The following GRK5 variants were observed in gnomAD, a reference collection of about 807,000 sequenced individuals.
GRK5 encodes g protein-coupled receptor kinase GRK5.
In GRK5, 40 loss-of-function variants were observed where a neutral mutation model predicts 78.4. That is an observed-to-expected ratio of 0.51 (90% confidence interval 0.40 to 0.66). GRK5 has a LOEUF of 0.66. GRK5 is among the 30% of genes least tolerant of loss of function. The probability of loss-of-function intolerance (pLI) is 0.00; values close to 1 mark genes in which losing one functional copy is unlikely to be tolerated. For missense variants in GRK5, 598 were observed against 759.9 expected, an observed-to-expected ratio of 0.79 and a Z score of 2.50; for synonymous variants, 289 against 296.8, an observed-to-expected ratio of 0.97 and a Z score of 0.27.
In GRK5 at chr10:119,445,364, A is replaced by G. The variant is rs181843787; in HGVS notation, c.1266+1612A>G. On this transcript the variant is annotated intron_variant, in intron 12 of 15. Coordinates refer to ENST00000392870, the MANE Select transcript of GRK5 (RefSeq NM_005308.3). The surrounding 1 kb of genome is among the most constrained non-coding windows in gnomAD (Gnocchi z 4.1). ...CAGGCAATCAGAGAAGCAGGTCTTG[A>G]GAGATCTCAGCAGGGATATGGGACG... is the stretch of plus-strand genomic sequence containing the variant. 1.6e-3 allele frequency among the ~76,000 whole-genome samples: 240 copies of G among 152,246 alleles called. No homozygotes were observed. The highest frequency in any genetic ancestry group is 5.6e-3 in the African/African-American group (234 of 41,538).
At chr10:119,423,345 A>G in intron 5 of GRK5, 79 bp downstream of exon 5, 2 of 936,228 alleles carry the variant, frequency 2.1e-6, no homozygotes, top group Non-Finnish European at 3.5e-6. Flanking sequence ...CTGACCATAC[A>G]GGGCACTGAG....
At chr10:119,360,092 G>T (rs1166116200) in intron 2 of GRK5, among the ~76,000 whole-genome samples, 1 of 151,344 alleles carries the variant, frequency 6.6e-6, no homozygotes, top group Non-Finnish European at 1.5e-5. Context: ...GATAGGGGGA[G>T]GCTGAGGAGG....
chr10:119,447,883 G>T (rs930989486), intron 12 of GRK5, among the ~76,000 whole-genome samples: 10 of 152,232 alleles, frequency 6.6e-5, no homozygotes, highest in Non-Finnish European at 1.2e-4. Context: ...CAGGAACGAG[G>T]TCTGTAATCC....
intron 2 of GRK5, among the ~76,000 whole-genome samples, chr10:119,342,107 G>C (rs2133785876): frequency 6.6e-6 from 1 of 152,292 alleles, no homozygotes; most frequent in South Asian, 2.1e-4. Flanking sequence ...ATGGGCACAG[G>C]CACGGCTCTG....
chr10:119,392,944 A>G (rs1311698611), intron 3 of GRK5, among the ~76,000 whole-genome samples: 4 of 152,230 alleles, frequency 2.6e-5, no homozygotes, highest in Non-Finnish European at 4.4e-5. Context: ...TTTGCTGGTT[A>G]AGCTGGTTTA....
intron 1 of GRK5, among the ~76,000 whole-genome samples, chr10:119,234,127 T>C (rs1848879229): frequency 1.3e-5 from 2 of 152,236 alleles, no homozygotes; most frequent in South Asian, 4.1e-4. Flanking sequence ...GTAAACCTAA[T>C]ACACTGCTTA....
chr10:119,448,331 C>T (rs1853201402), intron 13 of GRK5, 71 bp downstream of exon 13: 6 of 1,496,956 alleles, frequency 4.0e-6, no homozygotes, highest in East Asian at 2.5e-5. Flanking sequence ...AGTGCTGCCT[C>T]ACAGTGAGCT....
chr10:119,357,028 T>C (rs866687594), intron 2 of GRK5, among the ~76,000 whole-genome samples: 95 of 152,340 alleles, frequency 6.2e-4, no homozygotes, highest in African/African-American at 2.2e-3. Context: ...GTGAGGCCCA[T>C]GCTAGGGAAG....
At chr10:119,245,739 C>T (rs768487042) in intron 1 of GRK5, among the ~76,000 whole-genome samples, 16 of 152,062 alleles carry the variant, frequency 1.1e-4, no homozygotes, top group Admixed American at 2.6e-4. Context: ...TTGTTAAGGC[C>T]GGGCGCGGTG....
chr10:119,292,998 GC>G (rs1400588866), intron 1 of GRK5, among the ~76,000 whole-genome samples: 1 of 152,096 alleles, frequency 6.6e-6, no homozygotes, highest in African/African-American at 2.4e-5. Flanking sequence ...CAAGCTCTGG[GC>G]CAGGCACTGC....
In GRK5 at chr10:119,445,303, G is replaced by A. The variant is rs537972334; in HGVS notation, c.1266+1551G>A. Among the ~76,000 whole-genome samples the A allele has an allele frequency of 1.6e-3, 237 of 152,282 alleles. No individual in the cohort carries two copies. The highest frequency in any genetic ancestry group is 5.4e-3 in the African/African-American group (225 of 41,560). Reference sequence around the variant, plus strand: ...GGAAAGAAGAAGGGGTCAGACAGCCGTGGGCAGAGCATCACCAAATGTCCC... The same window carrying A: ...GGAAAGAAGAAGGGGTCAGACAGCCATGGGCAGAGCATCACCAAATGTCCC... On this transcript the variant is annotated intron_variant, in intron 12 of 15. Coordinates refer to ENST00000392870, the MANE Select transcript of GRK5 (RefSeq NM_005308.3). The surrounding 1 kb of genome is among the most constrained non-coding windows in gnomAD (Gnocchi z 4.1).
At chr10:119,237,047 G>A (rs1339736024) in intron 1 of GRK5, among the ~76,000 whole-genome samples, 2 of 144,350 alleles carry the variant, frequency 1.4e-5, no homozygotes, top group Non-Finnish European at 3.0e-5. Context: ...GTCTTCTGTA[G>A]TGTATTTGCC....
At chr10:119,423,311 A>G (rs1852607852) in intron 5 of GRK5, 45 bp downstream of exon 5, 1 of 1,357,504 alleles carries the variant, frequency 7.4e-7, no homozygotes. Flanking sequence ...GGCTGCCCAG[A>G]GATGGGATGC....
intron 1 of GRK5, among the ~76,000 whole-genome samples, chr10:119,241,834 T>C (rs965738379): frequency 6.6e-6 from 1 of 152,102 alleles, no homozygotes; most frequent in Non-Finnish European, 1.5e-5. Flanking sequence ...ATGGATTTAA[T>C]TGGATTCTTA....
chr10:119,269,285 AAT>A, intron 1 of GRK5, among the ~76,000 whole-genome samples: 1 of 152,220 alleles, frequency 6.6e-6, no homozygotes, highest in East Asian at 1.9e-4. Flanking sequence ...AACAATAGAC[AAT>A]AGTTGTGGCC....
intron 8 of GRK5, among the ~76,000 whole-genome samples, chr10:119,432,980 A>G (rs2012340): frequency 0.54 from 82,173 of 152,036 alleles, 22,704 homozygotes; most frequent in African/African-American, 0.62. Context: ...CTGAGGCATG[A>G]GAATCACTTG....
intron 1 of GRK5, among the ~76,000 whole-genome samples, chr10:119,315,992 T>C (rs1850480722): frequency 6.6e-6 from 1 of 152,210 alleles, no homozygotes; most frequent in African/African-American, 2.4e-5. Flanking sequence ...CAAGCCAGTT[T>C]CTGCTGGGAA....
chr10:119,258,385 A>T (rs1435614056), intron 1 of GRK5, among the ~76,000 whole-genome samples: 1 of 152,208 alleles, frequency 6.6e-6, no homozygotes, highest in Non-Finnish European at 1.5e-5. Context: ...AGCCACTATA[A>T]GCATTCACGA....
chr10:119,228,344 CA>C (rs1307761997), intron 1 of GRK5, among the ~76,000 whole-genome samples: 1 of 145,772 alleles, frequency 6.9e-6, no homozygotes, highest in East Asian at 2.0e-4. Context: ...TACCCTGTCT[CA>C]AAAAAAACAA....
Sources: allele counts gnomAD v4.1 joint callset (sites outside exome capture counted in the v4.1 genomes callset), GRCh38; gene constraint gnomAD v4.1.1; non-coding constraint Gnocchi (gnomAD v3.1); transcripts MANE v1.5; gene names NCBI Gene and HGNC (gene_info 2026-07-23, HGNC 2026-07-21).